Variants in ERC2 observed in about 807,000 individuals in gnomAD.
ERC2 encodes the protein ELKS/RAB6-interacting/CAST family member 2.
Under a neutral mutation model 114.8 loss-of-function variants are expected in ERC2, and 42 were observed. That is an observed-to-expected ratio of 0.37 (90% CI 0.29 to 0.47). The LOEUF (loss-of-function observed/expected upper bound fraction) is 0.47. Ranked by LOEUF, ERC2 falls within the 20% of genes least tolerant of loss-of-function variation. The probability of loss-of-function intolerance (pLI) is 0.99; values close to 1 mark genes in which losing one functional copy is unlikely to be tolerated. For synonymous variants in ERC2, 454 were observed against 425.5 expected, an observed-to-expected ratio of 1.07 and a Z score of -0.82; for missense variants, 939 against 1,150.7, an observed-to-expected ratio of 0.82 and a Z score of 2.66.
intron 13 of ERC2, among the ~76,000 whole-genome samples, chr3:55,921,646 A>T (rs2149384755): frequency 6.6e-6 from 1 of 152,290 alleles, no homozygotes; most frequent in East Asian, 1.9e-4. Flanking sequence ...TTTTATTTTG[A>T]GCCACAAAAA....
intron 7 of ERC2, among the ~76,000 whole-genome samples, chr3:56,076,966 A>G (rs556146132): frequency 4.6e-5 from 7 of 152,168 alleles, no homozygotes; most frequent in Non-Finnish European, 1.0e-4. Context: ...GGGTTGCGAA[A>G]GAGTCTATGA....
At position 55,876,900 on chromosome 3, in the gene ERC2, C is replaced by G. The variant is rs576341104; in HGVS notation, c.2564+11489G>C. Among the ~76,000 whole-genome samples the G allele has an allele frequency of 6.6e-5, 10 of 152,290 alleles. No individual in the cohort carries two copies. In the East Asian group the frequency reaches 1.9e-3, roughly 29 times the overall value. Reference sequence around the variant, plus strand: ...TAATGCCAAGAAAGCAAGCTAGAATCAAGAGGTCAAAGTCATCTATACAGA... The same window carrying G: ...TAATGCCAAGAAAGCAAGCTAGAATGAAGAGGTCAAAGTCATCTATACAGA... On this transcript the variant is annotated intron_variant, in intron 14 of 17. Coordinates refer to ENST00000288221, the MANE Select transcript of ERC2 (RefSeq NM_015576.3).
intron 2 of ERC2, among the ~76,000 whole-genome samples, chr3:56,341,112 T>C (rs1338766658): frequency 6.6e-6 from 1 of 152,196 alleles, no homozygotes; most frequent in Non-Finnish European, 1.5e-5. Flanking sequence ...CTGACTGTTA[T>C]TTAAAAATTA....
intron 12 of ERC2, among the ~76,000 whole-genome samples, chr3:55,975,186 G>C (rs1304285844): frequency 6.9e-6 from 1 of 144,122 alleles, no homozygotes. Flanking sequence ...TCTTGGAGTT[G>C]CTATAAAAAA....
At chr3:55,661,391 G>A (rs996255953) in intron 17 of ERC2, among the ~76,000 whole-genome samples, 1 of 152,088 alleles carries the variant, frequency 6.6e-6, no homozygotes, top group Non-Finnish European at 1.5e-5. Context: ...AGCTTCTAGA[G>A]GCCACCTGCA....
intron 14 of ERC2, among the ~76,000 whole-genome samples, chr3:55,810,669 A>T (rs1466853216): frequency 1.3e-5 from 2 of 152,192 alleles, no homozygotes; most frequent in African/African-American, 4.8e-5. Flanking sequence ...CATGTTGGCC[A>T]GGCTGGTCTC....
At chr3:55,618,179 G>A (rs1296048097) in intron 17 of ERC2, among the ~76,000 whole-genome samples, 1 of 152,130 alleles carries the variant, frequency 6.6e-6, no homozygotes, top group Non-Finnish European at 1.5e-5. Flanking sequence ...CTACCACCCA[G>A]AAGAAAAATA....
intron 3 of ERC2, among the ~76,000 whole-genome samples, chr3:56,283,126 G>C (rs2054457450): frequency 6.6e-6 from 1 of 152,236 alleles, no homozygotes; most frequent in Non-Finnish European, 1.5e-5. Flanking sequence ...ACTGAGGTTT[G>C]TGCCTGGCAG....
intron 3 of ERC2, among the ~76,000 whole-genome samples, chr3:56,207,239 T>TC (rs2048792074): frequency 6.6e-6 from 1 of 152,148 alleles, no homozygotes. Flanking sequence ...GGATTATTTT[T>TC]AATAACCTTT....
chr3:56,010,417 T>C, intron 9 of ERC2, 32 bp downstream of exon 9: 1 of 1,608,364 alleles, frequency 6.2e-7, no homozygotes, highest in South Asian at 1.1e-5. Context: ...ATGAGGACTA[T>C]CAATGTGGTT....
At chr3:55,731,308 A>G (rs1225245135) in intron 15 of ERC2, among the ~76,000 whole-genome samples, 2 of 152,232 alleles carry the variant, frequency 1.3e-5, no homozygotes, top group East Asian at 3.8e-4. Context: ...AGCAGTAATG[A>G]TGAAATCAAA....
At chr3:55,664,733 T>G (rs901338593) in intron 17 of ERC2, among the ~76,000 whole-genome samples, 5 of 152,108 alleles carry the variant, frequency 3.3e-5, no homozygotes, top group Non-Finnish European at 7.4e-5. Context: ...TCAGGCGAGG[T>G]TGTGGGGAAA....
At chr3:55,697,211 C>T (rs1042809946) in intron 16 of ERC2, among the ~76,000 whole-genome samples, 2 of 152,184 alleles carry the variant, frequency 1.3e-5, no homozygotes, top group South Asian at 2.1e-4. Context: ...GTTAGGAACT[C>T]GGAACAGGAT....
intron 10 of ERC2, among the ~76,000 whole-genome samples, chr3:56,005,732 G>T (rs929394727): frequency 6.6e-6 from 1 of 151,998 alleles, no homozygotes; most frequent in African/African-American, 2.4e-5. Flanking sequence ...ATAATGCAGG[G>T]AATGGTCATA....
chr3:56,097,517 A>G (rs2078128601), intron 6 of ERC2, among the ~76,000 whole-genome samples: 1 of 152,134 alleles, frequency 6.6e-6, no homozygotes, highest in Non-Finnish European at 1.5e-5. Context: ...TGTATAAATC[A>G]ATTTACTGTG....
At chr3:56,301,070 G>C (rs553660894) in intron 2 of ERC2, among the ~76,000 whole-genome samples, 2 of 152,290 alleles carry the variant, frequency 1.3e-5, no homozygotes, top group South Asian at 2.1e-4. Flanking sequence ...GCAACATAGA[G>C]AGACCCCATA....
intron 14 of ERC2, among the ~76,000 whole-genome samples, chr3:55,780,587 T>A (rs2068961915): frequency 6.6e-6 from 1 of 152,232 alleles, no homozygotes; most frequent in Non-Finnish European, 1.5e-5. Context: ...ACATATTTTT[T>A]AAAATCTCCA....
At chr3:55,952,167 AC>A (rs2067585405) in intron 12 of ERC2, among the ~76,000 whole-genome samples, 1 of 68,482 alleles carries the variant, frequency 1.5e-5, no homozygotes, top group Non-Finnish European at 3.1e-5. Flanking sequence ...ACACACACAC[AC>A]ACACACACAC....
chr3:56,341,843 C>T (rs2058101724), intron 2 of ERC2, among the ~76,000 whole-genome samples: 1 of 152,164 alleles, frequency 6.6e-6, no homozygotes, highest in Non-Finnish European at 1.5e-5. Context: ...CTAAGCAGGG[C>T]ATCACCTACC....
Sources: gnomAD v4.1 joint callset for allele counts (sites outside exome capture counted in the v4.1 genomes callset) on GRCh38, gnomAD v4.1.1 for gene constraint, MANE v1.5 for transcripts, NCBI Gene and HGNC (gene_info 2026-07-23, HGNC 2026-07-21) for gene names.